Variants in SCAI observed in about 807,000 individuals in gnomAD.
SCAI encodes the protein suppressor of cancer cell invasion, also known as protein SCAI.
SCAI carries 24 observed loss-of-function variants against 92.2 expected under a neutral mutation model. The ratio of observed to expected loss-of-function variants is 0.26; its 90% CI spans 0.19 to 0.37. The LOEUF is 0.37. SCAI is among the 10% of genes least tolerant of loss of function. The pLI is 1.00. For missense variants in SCAI, 450 were observed against 736.2 expected (o/e 0.61, Z 4.50); for synonymous variants, 261 against 258.6 (o/e 1.01, Z -0.09).
chr9:125,009,531 A>G (rs1360592547), intron 9 of SCAI, among the ~76,000 whole-genome samples: 1 of 151,808 alleles, frequency 6.6e-6, no homozygotes, highest in Non-Finnish European at 1.5e-5. Context: ...TTTGCCTCCC[A>G]AAGTGCATGA....
chr9:125,105,075 T>C (rs1834750571), intron 2 of SCAI, among the ~76,000 whole-genome samples: 1 of 152,122 alleles, frequency 6.6e-6, no homozygotes, highest in Non-Finnish European at 1.5e-5. Context: ...ACATCAACTT[T>C]CATAAATCAT....
intron 3 of SCAI, among the ~76,000 whole-genome samples, chr9:125,042,654 CACACACACACACAT>C (rs1259070213): frequency 6.0e-4 from 85 of 142,364 alleles, no homozygotes; most frequent in Non-Finnish European, 1.1e-3. Context: ...CACACACACA[CACACACACACACAT>C]ATACAAAAAG....
rs868557624 is a variant in SCAI, at chr9:125,091,927, C to T, written c.99-35920G>A. On this transcript the variant is annotated intron_variant, in intron 2 of 17. Transcript: ENST00000336505. The surrounding 1 kb of genome is among the most constrained non-coding windows in gnomAD (Gnocchi z 4.3). ...GAGATCGAGACCATCCTGGCTAACA[C>T]GATGAAACCCCGTCTCTACCAAAAA... Among the ~76,000 whole-genome samples the T allele has an allele frequency of 1.3e-5, 2 of 151,716 alleles. No individual in the cohort carries two copies. The highest frequency in any genetic ancestry group is 3.9e-4 in the East Asian group (2 of 5,152).
chr9:124,985,796 G>A (rs1428216656), intron 14 of SCAI, among the ~76,000 whole-genome samples: 5 of 151,396 alleles, frequency 3.3e-5, no homozygotes, highest in Admixed American at 2.6e-4. Context: ...CGGGGAGGCG[G>A]AGGTTGCAGT....
At chr9:125,110,086 A>G (rs528485652) in intron 2 of SCAI, among the ~76,000 whole-genome samples, 25 of 152,372 alleles carry the variant, frequency 1.6e-4, no homozygotes, top group African/African-American at 6.0e-4. Context: ...ACTAGTTGAT[A>G]TTCTAGTAGA....
intron 2 of SCAI, among the ~76,000 whole-genome samples, chr9:125,127,243 C>T (rs1835296723): frequency 6.6e-6 from 1 of 152,142 alleles, no homozygotes; most frequent in Non-Finnish European, 1.5e-5. Context: ...CAGTCACATC[C>T]AGCACAGGCT....
chr9:125,097,428 G>A (rs746648222), intron 2 of SCAI, among the ~76,000 whole-genome samples: 21 of 152,014 alleles, frequency 1.4e-4, no homozygotes, highest in Admixed American at 2.6e-4. Flanking sequence ...GTGAGACTCC[G>A]TCTCGGGGAA....
intron 2 of SCAI, among the ~76,000 whole-genome samples, chr9:125,110,790 T>C (rs894335056): frequency 1.3e-5 from 2 of 152,186 alleles, no homozygotes; most frequent in Non-Finnish European, 2.9e-5. Context: ...TATTTCTATA[T>C]AGCAGTATGA....
intron 17 of SCAI, among the ~76,000 whole-genome samples, chr9:124,956,426 T>C (rs1256022808): frequency 6.6e-6 from 1 of 152,054 alleles, no homozygotes; most frequent in Non-Finnish European, 1.5e-5. Context: ...TCCATGTTGG[T>C]CAGGTTGGTC....
chr9:124,961,772 C>G (rs746229839), intron 17 of SCAI, among the ~76,000 whole-genome samples: 4 of 152,016 alleles, frequency 2.6e-5, no homozygotes, highest in Non-Finnish European at 5.9e-5. Context: ...TGAGCCCCCT[C>G]CCTAACACAG....
chr9:125,009,785 C>T lies in SCAI; in HGVS notation c.862-6215G>A, dbSNP rs1832592263. On this transcript the variant is annotated intron_variant, in intron 9 of 17. Coordinates refer to ENST00000336505, the MANE Select transcript of SCAI (RefSeq NM_001144877.3). ...GCACATGCCTGTAATGCCAGCTACT[C>T]AGGAGGCTGAGGCAGGAAAATCACT... 2.0e-5 allele frequency among the ~76,000 whole-genome samples: 3 copies of T among 151,870 alleles called. No individual in the cohort carries two copies. In the South Asian group the frequency reaches 6.2e-4, roughly 32 times the overall value.
intron 14 of SCAI, among the ~76,000 whole-genome samples, chr9:124,981,565 G>A (rs558342287): frequency 1.7e-4 from 26 of 152,222 alleles, no homozygotes; most frequent in African/African-American, 6.3e-4. Flanking sequence ...TTAAGAACAC[G>A]TGATGAGTGT....
chr9:125,069,658 T>C (rs1482435631), intron 2 of SCAI, among the ~76,000 whole-genome samples: 1 of 138,368 alleles, frequency 7.2e-6, no homozygotes, highest in Non-Finnish European at 1.6e-5. Context: ...CGTCTTGCTC[T>C]TGTCACCAAG....
At chr9:125,013,073 A>G (rs1832672734) in intron 9 of SCAI, among the ~76,000 whole-genome samples, 1 of 152,250 alleles carries the variant, frequency 6.6e-6, no homozygotes, top group Non-Finnish European at 1.5e-5. Flanking sequence ...CACAAGAGAA[A>G]GCAAGAAAGA....
At chr9:124,994,395 C>T (rs142209317) in intron 14 of SCAI, among the ~76,000 whole-genome samples, 1 of 152,228 alleles carries the variant, frequency 6.6e-6, no homozygotes, top group Non-Finnish European at 1.5e-5. Context: ...AAATATAAAA[C>T]GAAGGATGTT....
At chr9:125,004,767 ATATATATATATATTTTTTTTTTTTTTT>A (rs1437426188) in intron 9 of SCAI, among the ~76,000 whole-genome samples, 18 of 7,460 alleles carry the variant, frequency 2.4e-3, no homozygotes, top group African/African-American at 6.9e-3. Context: ...ATATATATAT[ATATATATATATATTTTTTTTTTTTTTT>A]TTTTTTTTTT....
chr9:125,138,863 C>T (rs932729891), intron 2 of SCAI, among the ~76,000 whole-genome samples: 1 of 152,150 alleles, frequency 6.6e-6, no homozygotes, highest in Non-Finnish European at 1.5e-5. Context: ...ATTATTTCTA[C>T]TATATAGATG....
intron 2 of SCAI, among the ~76,000 whole-genome samples, chr9:125,112,337 T>C (rs555122745): frequency 2.4e-4 from 36 of 152,270 alleles, no homozygotes; most frequent in African/African-American, 8.4e-4. Context: ...ATGTCTACTA[T>C]CTACTCAAAG....
At chr9:125,074,324 T>C (rs1418926128) in intron 2 of SCAI, among the ~76,000 whole-genome samples, 3 of 150,234 alleles carry the variant, frequency 2.0e-5, no homozygotes, top group Admixed American at 6.6e-5. Flanking sequence ...CAGCACAATC[T>C]TGGCTCACTA....
Sources: gnomAD v4.1 joint callset for allele counts (sites outside exome capture counted in the v4.1 genomes callset) on GRCh38, gnomAD v4.1.1 for gene constraint, Gnocchi (gnomAD v3.1) non-coding constraint, MANE v1.5 for transcripts, NCBI Gene and HGNC (gene_info 2026-07-23, HGNC 2026-07-21) for gene names.